The following EFNA5 variants were observed in gnomAD, a reference collection of about 807,000 sequenced individuals.
EFNA5 encodes the protein ephrin A5, also known as ephrin-A5.
In EFNA5, 5 loss-of-function variants were observed where a neutral mutation model predicts 22.9. The ratio of observed to expected loss-of-function variants is 0.22; its 90% CI spans 0.11 to 0.46. The LOEUF is 0.46. Among genes scored for constraint, EFNA5 ranks in the 20% least tolerant of loss-of-function variants. The pLI, the probability that EFNA5 is intolerant of heterozygous loss-of-function variation, is 0.99. For synonymous variants in EFNA5, 113 were observed against 112.2 expected (o/e 1.01, Z -0.04); for missense variants, 237 against 293.3 (o/e 0.81, Z 1.40).
Position 107,581,585 on chromosome 5 carries a change from C to T in EFNA5, c.125+88904G>A, listed in dbSNP as rs72660773. On this transcript the variant is annotated intron_variant, in intron 1 of 4. Coordinates refer to ENST00000333274, the MANE Select transcript of EFNA5 (RefSeq NM_001962.3). ...GACCAAGTGCTGCTAGAGCCTTCACCGCCAGGCCCAAGGCTGGGATTGAAT... is the reference window on the plus strand; with the variant it reads ...GACCAAGTGCTGCTAGAGCCTTCACTGCCAGGCCCAAGGCTGGGATTGAAT... 5.3e-3 allele frequency among the ~76,000 whole-genome samples: 810 copies of T among 152,294 alleles called. 5 individuals carry two copies. Among genetic ancestry groups the T allele is most frequent in the East Asian group, 0.035 (179 of 5,184 alleles).
chr5:107,404,569 G>T lies in EFNA5; in HGVS notation c.419-16798C>A, dbSNP rs543641734. 2.0e-5 allele frequency among the ~76,000 whole-genome samples: 3 copies of T among 152,210 alleles called. No homozygotes were observed. The South Asian group carries it at 6.2e-4, about 32-fold the overall frequency. ...ATCCTCAGCACATTTCTTCGAGGCA[G>T]GTATTATTATCCTCATTTTAGAGAT... On this transcript the variant is annotated intron_variant, in intron 2 of 4. Coordinates refer to ENST00000333274, the MANE Select transcript of EFNA5 (RefSeq NM_001962.3).
At chr5:107,655,285 T>C (rs568520688) in intron 1 of EFNA5, among the ~76,000 whole-genome samples, 3 of 152,226 alleles carry the variant, frequency 2.0e-5, no homozygotes, top group Admixed American at 6.5e-5. Flanking sequence ...AGCAAGCTCA[T>C]TCCCTTGACA....
At chr5:107,387,458 T>C (rs1046772928) in intron 3 of EFNA5, 143 bp from the exon 4 acceptor site, 1 of 628,298 alleles carries the variant, frequency 1.6e-6, no homozygotes, top group Non-Finnish European at 2.7e-6. Flanking sequence ...AATGCCAATA[T>C]TGTTCCCATT....
chr5:107,591,414 A>G (rs1042005712), intron 1 of EFNA5, among the ~76,000 whole-genome samples: 2 of 152,028 alleles, frequency 1.3e-5, no homozygotes, highest in African/African-American at 4.8e-5. Flanking sequence ...ACCTCTCCCT[A>G]TTCTTTCCAC....
chr5:107,521,729 C>A (rs1747604141), intron 1 of EFNA5, among the ~76,000 whole-genome samples: 1 of 152,102 alleles, frequency 6.6e-6, no homozygotes, highest in Non-Finnish European at 1.5e-5. Context: ...ACCCAATATT[C>A]AAAGTATAGT....
At chr5:107,449,369 T>TAAA (rs200366690) in intron 1 of EFNA5, among the ~76,000 whole-genome samples, 1 of 142,676 alleles carries the variant, frequency 7.0e-6, no homozygotes, top group East Asian at 2.0e-4. Context: ...GCTAAAACCA[T>TAAA]AAAAAAAAAA....
At chr5:107,591,651 T>C (rs1273224822) in intron 1 of EFNA5, among the ~76,000 whole-genome samples, 1 of 149,326 alleles carries the variant, frequency 6.7e-6, no homozygotes, top group Non-Finnish European at 1.5e-5. Context: ...TGAAACCTGG[T>C]CTCTACTAAA....
At chr5:107,664,978 T>C (rs1470567212) in intron 1 of EFNA5, among the ~76,000 whole-genome samples, 2 of 152,204 alleles carry the variant, frequency 1.3e-5, no homozygotes, top group African/African-American at 2.4e-5. Flanking sequence ...GAGTGGTATC[T>C]TATAAAAAAT....
At chr5:107,483,398 C>T (rs528776549) in intron 1 of EFNA5, among the ~76,000 whole-genome samples, 6 of 152,240 alleles carry the variant, frequency 3.9e-5, no homozygotes, top group African/African-American at 1.4e-4. Context: ...TGCACATCTT[C>T]CCGAATCCTA....
intron 1 of EFNA5, among the ~76,000 whole-genome samples, chr5:107,508,008 T>A (rs1004568644): frequency 6.6e-6 from 1 of 150,790 alleles, no homozygotes; most frequent in African/African-American, 2.5e-5. Flanking sequence ...ATCTGAAGAT[T>A]TTTTTTGAAA....
At chr5:107,521,204 A>G (rs1747588115) in intron 1 of EFNA5, among the ~76,000 whole-genome samples, 1 of 152,112 alleles carries the variant, frequency 6.6e-6, no homozygotes, top group African/African-American at 2.4e-5. Context: ...CATGCTCAGA[A>G]CGCTTACATT....
Position 107,670,684 on chromosome 5 carries a change from G to A in EFNA5, c.-71C>T. 1.3e-6 allele frequency: 2 copies of A among 1,556,800 alleles called. No individual in the cohort carries two copies. Among genetic ancestry groups the A allele is most frequent in the East Asian group, 2.4e-5 (1 of 41,258 alleles). On this transcript the variant is annotated 5_prime_UTR_variant, in exon 1 of 5. Transcript: ENST00000333274. ...AGAGCGGGGATCCGGAGGGAGGGAGGCAGGCAAAGGGACAGAGAGAGAGCG... is the reference window on the plus strand; with the variant it reads ...AGAGCGGGGATCCGGAGGGAGGGAGACAGGCAAAGGGACAGAGAGAGAGCG...
intron 2 of EFNA5, among the ~76,000 whole-genome samples, chr5:107,397,051 C>T (rs1050925826): frequency 7.9e-5 from 12 of 151,880 alleles, no homozygotes; most frequent in African/African-American, 2.9e-4. Context: ...GGATATTGTG[C>T]TGCTATATAT....
intron 1 of EFNA5, among the ~76,000 whole-genome samples, chr5:107,447,854 T>A (rs1308929537): frequency 2.0e-5 from 3 of 152,058 alleles, no homozygotes; most frequent in Non-Finnish European, 4.4e-5. Flanking sequence ...TTTCTTTTTA[T>A]TTCCCCCCTC....
chr5:107,511,350 A>G (rs376384896), intron 1 of EFNA5, among the ~76,000 whole-genome samples: 41 of 152,244 alleles, frequency 2.7e-4, no homozygotes, highest in African/African-American at 8.2e-4. Context: ...CTAAATATAA[A>G]ATCCCCACGA....
At chr5:107,424,687 TC>T (rs1748764428) in intron 2 of EFNA5, among the ~76,000 whole-genome samples, 1 of 152,136 alleles carries the variant, frequency 6.6e-6, no homozygotes. Context: ...AATAGCTATT[TC>T]CCAATCATCT....
chr5:107,595,430 T>C (rs1031314335), intron 1 of EFNA5, among the ~76,000 whole-genome samples: 2 of 152,158 alleles, frequency 1.3e-5, no homozygotes, highest in Admixed American at 6.6e-5. Flanking sequence ...CCCTATCCTA[T>C]AAAGCTTAAA....
chr5:107,499,059 T>G (rs2112423479), intron 1 of EFNA5, among the ~76,000 whole-genome samples: 1 of 152,288 alleles, frequency 6.6e-6, no homozygotes, highest in East Asian at 1.9e-4. Context: ...GACACCTGCT[T>G]TGCTCTCTTC....
At chr5:107,398,188 C>A (rs1251974103) in intron 2 of EFNA5, among the ~76,000 whole-genome samples, 2 of 152,042 alleles carry the variant, frequency 1.3e-5, no homozygotes, top group Non-Finnish European at 2.9e-5. Context: ...TAGCTTGTAC[C>A]AACAATATTC....
Sources: gnomAD v4.1 joint callset for allele counts (sites outside exome capture counted in the v4.1 genomes callset) on GRCh38, gnomAD v4.1.1 for gene constraint, MANE v1.5 for transcripts, NCBI Gene and HGNC (gene_info 2026-07-23, HGNC 2026-07-21) for gene names.